The following MACROD2 variants were observed in gnomAD, a reference collection of about 807,000 sequenced individuals.
MACROD2 encodes mono-ADP ribosylhydrolase 2, also known as ADP-ribose glycohydrolase MACROD2.
In MACROD2, 36 loss-of-function variants were observed where a neutral mutation model predicts 70.4. The ratio of observed to expected loss-of-function variants is 0.51; its 90% CI spans 0.39 to 0.68. The LOEUF (loss-of-function observed/expected upper bound fraction) is 0.68. MACROD2 is among the 30% of genes least tolerant of loss of function. The pLI is 0.00. For missense variants in MACROD2, 496 were observed against 538.4 expected (o/e 0.92, Z 0.78); for synonymous variants, 172 against 178.8 (o/e 0.96, Z 0.30).
intron 5 of MACROD2, among the ~76,000 whole-genome samples, chr20:15,160,968 G>A (rs1726753049): frequency 8.9e-6 from 1 of 111,816 alleles, no homozygotes; most frequent in Non-Finnish European, 2.0e-5. Flanking sequence ...GGATCAAGGA[G>A]TGGATGACAC....
At chr20:14,325,767 A>T in intron 3 of MACROD2, 1 of 1,613,910 alleles carries the variant, frequency 6.2e-7, no homozygotes, top group Non-Finnish European at 8.5e-7. Flanking sequence ...TGTCCTTCTT[A>T]GTGCCAGCTT....
At chr20:14,164,159 T>C (rs780364779) in intron 3 of MACROD2, among the ~76,000 whole-genome samples, 2 of 152,152 alleles carry the variant, frequency 1.3e-5, no homozygotes, top group Non-Finnish European at 2.9e-5. Context: ...GCACTTGGCT[T>C]TGATTCTGGG....
At chr20:15,687,785 AG>A (rs146219941) in intron 8 of MACROD2, among the ~76,000 whole-genome samples, 2,042 of 152,296 alleles carry the variant, frequency 0.013, 25 homozygotes, top group Non-Finnish European at 0.022. Context: ...AGGTGGTGGC[AG>A]CAGGAGGTGC....
intron 5 of MACROD2, among the ~76,000 whole-genome samples, chr20:15,115,008 TAG>T (rs766256762): frequency 1.3e-5 from 2 of 152,194 alleles, no homozygotes; most frequent in African/African-American, 2.4e-5. Context: ...CCAATTCTCC[TAG>T]AGAGTTCCTG....
At chr20:15,933,829 G>C (rs1158330948) in intron 11 of MACROD2, among the ~76,000 whole-genome samples, 3 of 152,146 alleles carry the variant, frequency 2.0e-5, no homozygotes, top group African/African-American at 7.2e-5. Context: ...TGATGGGCCT[G>C]ACTACCCCAC....
chr20:14,509,466 A>G (rs2078927079), intron 4 of MACROD2, among the ~76,000 whole-genome samples: 1 of 152,104 alleles, frequency 6.6e-6, no homozygotes, highest in Admixed American at 6.5e-5. Context: ...TAGAGACTAT[A>G]TATTTCCATA....
At chr20:15,085,973 C>T (rs1035660009) in intron 5 of MACROD2, among the ~76,000 whole-genome samples, 4 of 151,666 alleles carry the variant, frequency 2.6e-5, no homozygotes, top group Non-Finnish European at 5.9e-5. Context: ...CCCATATCAA[C>T]ACTGCTTGAA....
At chr20:14,165,380 G>C (rs539306891) in intron 3 of MACROD2, among the ~76,000 whole-genome samples, 4 of 152,146 alleles carry the variant, frequency 2.6e-5, no homozygotes, top group Non-Finnish European at 5.9e-5. Flanking sequence ...GCTCCCAGCT[G>C]ATCTCAGTCA....
At chr20:15,432,177 C>T (rs375608876) in intron 7 of MACROD2, among the ~76,000 whole-genome samples, 94 of 152,144 alleles carry the variant, frequency 6.2e-4, no homozygotes, top group African/African-American at 2.1e-3. Flanking sequence ...AAGCTGTCAG[C>T]TGAAGCACAA....
At chr20:15,360,706 T>G (rs1895879951) in intron 6 of MACROD2, among the ~76,000 whole-genome samples, 1 of 152,126 alleles carries the variant, frequency 6.6e-6, no homozygotes, top group Admixed American at 6.5e-5. Context: ...AAGGTCTAGT[T>G]TCTCTACATC....
chr20:15,761,507 TC>T (rs1417298975), intron 8 of MACROD2, among the ~76,000 whole-genome samples: 1 of 152,186 alleles, frequency 6.6e-6, no homozygotes, highest in African/African-American at 2.4e-5. Context: ...AATGATCTGA[TC>T]AATTGAGGGG....
chr20:14,502,083 T>C (rs2084920906), intron 4 of MACROD2, among the ~76,000 whole-genome samples: 1 of 152,218 alleles, frequency 6.6e-6, no homozygotes. Flanking sequence ...TGAATGTGAC[T>C]TGTTGGTACA....
intron 5 of MACROD2, among the ~76,000 whole-genome samples, chr20:15,087,332 A>G (rs1377924525): frequency 6.6e-6 from 1 of 152,092 alleles, no homozygotes; most frequent in African/African-American, 2.4e-5. Context: ...CAAAGCTACT[A>G]TAATCTAAAT....
chr20:15,698,097 G>A (rs2146890580), intron 8 of MACROD2, among the ~76,000 whole-genome samples: 1 of 152,298 alleles, frequency 6.6e-6, no homozygotes, highest in African/African-American at 2.4e-5. Flanking sequence ...CATTCATCAT[G>A]CTCTTTGTTG....
At chr20:14,344,792 T>A (rs949595870) in intron 3 of MACROD2, among the ~76,000 whole-genome samples, 10 of 152,238 alleles carry the variant, frequency 6.6e-5, no homozygotes, top group African/African-American at 2.4e-4. Context: ...AAGTTATTAA[T>A]TTTTGTTTGG....
chr20:14,868,744 C>T (rs886980010), intron 5 of MACROD2, among the ~76,000 whole-genome samples: 3 of 152,114 alleles, frequency 2.0e-5, no homozygotes, highest in Non-Finnish European at 4.4e-5. Context: ...TCTGATAGCT[C>T]CTCCTCAACT....
chr20:15,717,022 A>G (rs2050717019), intron 8 of MACROD2, among the ~76,000 whole-genome samples: 1 of 152,226 alleles, frequency 6.6e-6, no homozygotes, highest in Admixed American at 6.5e-5. Context: ...AACCAGCACC[A>G]ACTGAGAATA....
At chr20:14,494,559 T>G (rs2084832705) in intron 4 of MACROD2, among the ~76,000 whole-genome samples, 1 of 152,132 alleles carries the variant, frequency 6.6e-6, no homozygotes, top group African/African-American at 2.4e-5. Context: ...AAATTGGACT[T>G]ACTGTGTGGA....
At chr20:16,020,516 T>G (rs760572650) in intron 15 of MACROD2, among the ~76,000 whole-genome samples, 1 of 151,384 alleles carries the variant, frequency 6.6e-6, no homozygotes, top group African/African-American at 2.4e-5. Flanking sequence ...TTATATATAG[T>G]TGCTTCTTTG....
Sources: allele counts gnomAD v4.1 joint callset (sites outside exome capture counted in the v4.1 genomes callset), GRCh38; gene constraint gnomAD v4.1.1; transcripts MANE v1.5; gene names NCBI Gene and HGNC (gene_info 2026-07-23, HGNC 2026-07-21).